Variants in SGMS1 observed in about 807,000 individuals in gnomAD.
SGMS1 encodes the protein sphingomyelin synthase 1.
Under a neutral mutation model 46.2 loss-of-function variants are expected in SGMS1, and 13 were observed. That is an observed-to-expected ratio of 0.28 (90% CI 0.18 to 0.45). The LOEUF is 0.45. SGMS1 is among the 20% of genes least tolerant of loss of function. SGMS1 has a pLI of 1.00. For synonymous variants in SGMS1, 203 were observed against 187.8 expected (o/e 1.08, Z -0.66); for missense variants, 324 against 519.9 (o/e 0.62, Z 3.66).
intron 3 of SGMS1, among the ~76,000 whole-genome samples, chr10:50,471,062 A>G (rs938089047): frequency 6.6e-6 from 1 of 152,210 alleles, no homozygotes; most frequent in Non-Finnish European, 1.5e-5. Context: ...TAGTTACTAA[A>G]AAAAGATGAT....
intron 6 of SGMS1, among the ~76,000 whole-genome samples, chr10:50,387,495 T>C (rs1848699235): frequency 6.6e-6 from 1 of 152,212 alleles, no homozygotes; most frequent in South Asian, 2.1e-4. Context: ...ATTCTCCCTG[T>C]AAGAAGATTC....
intron 5 of SGMS1, among the ~76,000 whole-genome samples, chr10:50,453,780 AGGG>A (rs1837144852): frequency 2.5e-5 from 1 of 39,660 alleles, no homozygotes; most frequent in Non-Finnish European, 5.3e-5. Context: ...GAAGGGAGGA[AGGG>A]AGGGAGGGAG....
intron 5 of SGMS1, among the ~76,000 whole-genome samples, chr10:50,440,441 T>C (rs1464738263): frequency 6.6e-6 from 1 of 152,176 alleles, no homozygotes; most frequent in Non-Finnish European, 1.5e-5. Context: ...TCACATGAAT[T>C]TAAACCTCTC....
intron 3 of SGMS1, among the ~76,000 whole-genome samples, chr10:50,483,370 G>A (rs994826627): frequency 2.6e-5 from 4 of 152,102 alleles, no homozygotes; most frequent in South Asian, 2.1e-4. Context: ...ATGAGCCAGC[G>A]TGCCTGGCCA....
chr10:50,609,868 G>C (rs1300956229), intron 1 of SGMS1, among the ~76,000 whole-genome samples: 1 of 152,022 alleles, frequency 6.6e-6, no homozygotes, highest in Non-Finnish European at 1.5e-5. Context: ...TTACTATTTA[G>C]GTAAGCTACT....
chr10:50,465,535 G>A (rs753514097), intron 4 of SGMS1, among the ~76,000 whole-genome samples: 9 of 152,056 alleles, frequency 5.9e-5, no homozygotes, highest in Non-Finnish European at 8.8e-5. Flanking sequence ...TTACAAACCT[G>A]CTAGCAGAAA....
chr10:50,384,734 C>T (rs1246375484), intron 6 of SGMS1, among the ~76,000 whole-genome samples: 2 of 151,980 alleles, frequency 1.3e-5, no homozygotes, highest in African/African-American at 4.8e-5. Flanking sequence ...ACTGTCATGA[C>T]CCACTGTGCC....
intron 6 of SGMS1, among the ~76,000 whole-genome samples, chr10:50,352,341 C>T (rs958189040): frequency 5.9e-5 from 9 of 151,874 alleles, no homozygotes; most frequent in African/African-American, 2.2e-4. Context: ...TATCTAGACC[C>T]AGAAGACTGT....
At chr10:50,481,281 C>G (rs566139724) in intron 3 of SGMS1, among the ~76,000 whole-genome samples, 26 of 152,342 alleles carry the variant, frequency 1.7e-4, no homozygotes, top group African/African-American at 5.8e-4. Flanking sequence ...AGGAGTGTTC[C>G]AGCTGGCATC....
intron 8 of SGMS1, among the ~76,000 whole-genome samples, chr10:50,326,786 T>C (rs1281097410): frequency 6.6e-6 from 1 of 152,166 alleles, no homozygotes; most frequent in Non-Finnish European, 1.5e-5. Flanking sequence ...GGTTGAGGAC[T>C]GCAAGGAAAT....
chr10:50,387,804 T>C lies in SGMS1; in HGVS notation c.-231-43459A>G, dbSNP rs1398292865. On this transcript the variant is annotated intron_variant, in intron 6 of 10. Coordinates refer to ENST00000361781, the MANE Select transcript of SGMS1 (RefSeq NM_147156.4). ...GCTCAGAGACTCCAGCACAGCCACATGGTGGAAGATTTATAGAGAGAAAAA... is the reference window on the plus strand; with the variant it reads ...GCTCAGAGACTCCAGCACAGCCACACGGTGGAAGATTTATAGAGAGAAAAA... Among the ~76,000 whole-genome samples, 5 of 152,294 alleles carry C rather than the reference T, an allele frequency of 3.3e-5. No homozygotes were observed. In the East Asian group the frequency reaches 5.8e-4, roughly 18 times the overall value.
intron 6 of SGMS1, among the ~76,000 whole-genome samples, chr10:50,367,289 T>TTAGCAACA (rs1342112273): frequency 1.3e-5 from 2 of 152,114 alleles, no homozygotes; most frequent in Non-Finnish European, 2.9e-5. Context: ...AGTTTCAAAA[T>TTAGCAACA]TAGCAACAAC....
chr10:50,353,566 A>T (rs990820231), intron 6 of SGMS1, among the ~76,000 whole-genome samples: 2 of 152,292 alleles, frequency 1.3e-5, no homozygotes, highest in African/African-American at 2.4e-5. Flanking sequence ...CCTATTCAAC[A>T]TAGTGTTGGA....
chr10:50,510,875 A>T (rs1232540605), intron 3 of SGMS1, among the ~76,000 whole-genome samples: 1 of 152,074 alleles, frequency 6.6e-6, no homozygotes, highest in Non-Finnish European at 1.5e-5. Flanking sequence ...ACTTTATCTC[A>T]TATATAGATT....
chr10:50,611,882 C>G (rs543850863), intron 1 of SGMS1, among the ~76,000 whole-genome samples: 13 of 152,182 alleles, frequency 8.5e-5, no homozygotes, highest in Non-Finnish European at 1.9e-4. Context: ...ACCCCCCATC[C>G]CCTTTTCCAA....
At chr10:50,344,380 C>G (rs994920513) in intron 6 of SGMS1, 35 bp from the exon 7 acceptor site, 2 of 418,202 alleles carry the variant, frequency 4.8e-6, no homozygotes, top group Admixed American at 4.0e-5. Context: ...AGATGCTGTA[C>G]TTCCAAATTA....
chr10:50,410,078 T>C (rs1367090656), intron 6 of SGMS1, among the ~76,000 whole-genome samples: 2 of 152,348 alleles, frequency 1.3e-5, no homozygotes, highest in Non-Finnish European at 2.9e-5. Flanking sequence ...GGAATTAGTT[T>C]ACCTTGTAAT....
intron 5 of SGMS1, among the ~76,000 whole-genome samples, chr10:50,454,359 A>G (rs558825359): frequency 6.6e-6 from 1 of 152,330 alleles, no homozygotes; most frequent in South Asian, 2.1e-4. Flanking sequence ...AGATGCAGAG[A>G]TATCAAGGGA....
chr10:50,612,427 T>A (rs1024092952), intron 1 of SGMS1, among the ~76,000 whole-genome samples: 2 of 152,126 alleles, frequency 1.3e-5, no homozygotes. Flanking sequence ...CTGGGGAAGG[T>A]AGTGCTGAAA....
Sources: allele counts gnomAD v4.1 joint callset (sites outside exome capture counted in the v4.1 genomes callset), GRCh38; gene constraint gnomAD v4.1.1; transcripts MANE v1.5; gene names NCBI Gene and HGNC (gene_info 2026-07-23, HGNC 2026-07-21).